Variants in SPATA31C1 observed in about 807,000 individuals in gnomAD.
SPATA31C1 encodes the protein SPATA31 subfamily C member 1, also known as spermatogenesis-associated protein 31C1.
chr9:87,913,956 AAAAAAAAT>A (rs1188961225), upstream of SPATA31C1, among the ~76,000 whole-genome samples: 32 of 84,604 alleles, frequency 3.8e-4, no homozygotes, highest in African/African-American at 1.2e-3. Context: ...TCAAAAAAAT[AAAAAAAAT>A]AAAAAAAAAG....
At position 87,921,351 on chromosome 9, in the gene SPATA31C1, T is replaced by A. The variant is rs543748743; in HGVS notation, n.1741T>A. On this transcript the variant is annotated non_coding_transcript_exon_variant, in exon 5 of 5. Coordinates refer to ENST00000420021, the Ensembl canonical transcript of SPATA31C1. The stretch of plus-strand genomic sequence containing the variant: ...GGATCTGATGCAGCTTCAGGATGAA[T>A]TGCCAGGGACAAGTCAGGCCAAGGG... 4 of 1,611,912 alleles carry A rather than the reference T, an allele frequency of 2.5e-6. No homozygotes were observed. The African/African-American group carries it at 5.3e-5, about 22-fold the overall frequency.
chr9:87,921,170 G>A (rs1236333198), exon 5 of SPATA31C1: 1 of 1,611,738 alleles, frequency 6.2e-7, no homozygotes, highest in East Asian at 2.2e-5. Flanking sequence ...TACCCTCTAG[G>A]GTCCAAAAAT....
At chr9:87,920,866 C>A in exon 5 of SPATA31C1, 1 of 1,613,536 alleles carries the variant, frequency 6.2e-7, no homozygotes, top group Non-Finnish European at 8.5e-7. Flanking sequence ...CAAAGGGACA[C>A]CACAATGTCC....
chr9:87,920,590 G>C, exon 5 of SPATA31C1: 2 of 1,613,584 alleles, frequency 1.2e-6, no homozygotes, highest in Non-Finnish European at 8.5e-7. Context: ...CCTCTGGCCT[G>C]CTCTCCACCT....
At chr9:87,916,746 C>T (rs1354817825) in intron 1 of SPATA31C1, among the ~76,000 whole-genome samples, 69 of 102,712 alleles carry the variant, frequency 6.7e-4, no homozygotes, top group Middle Eastern at 4.8e-3. Context: ...GCCTGTAATC[C>T]CAGCACTTTG....
At chr9:87,920,309 G>C (rs377054909) in exon 5 of SPATA31C1, 1 of 1,613,922 alleles carries the variant, frequency 6.2e-7, no homozygotes, top group South Asian at 1.1e-5. Context: ...GTCCAGACCC[G>C]CCAGGTGAGG....
At chr9:87,920,373 G>A (rs746818688) in exon 5 of SPATA31C1, 1 of 1,613,886 alleles carries the variant, frequency 6.2e-7, no homozygotes, top group Admixed American at 1.7e-5. Flanking sequence ...GCCTATGGAA[G>A]ATGCTGCTCC....
At chr9:87,922,572 G>A (rs753583578) in exon 5 of SPATA31C1, 2 of 1,609,806 alleles carry the variant, frequency 1.2e-6, no homozygotes, top group Non-Finnish European at 1.7e-6. Flanking sequence ...CCTTCCAGAT[G>A]GGCAAGCATC....
Position 87,920,052 on chromosome 9 carries a change from C to A in SPATA31C1, n.641+76C>A, listed in dbSNP as rs1828810374. The A allele has an allele frequency of 3.1e-6, 5 of 1,608,566 alleles. No individual in the cohort carries two copies. In the South Asian group the frequency reaches 4.4e-5, roughly 14 times the overall value. ...CCCCAGGGCCACAGGCAGCCTGGAG[C>A]TGACCTGGGATGGGGAGACCAGGGG... On this transcript the variant is annotated intron_variant and non_coding_transcript_variant, in intron 4 of 4. Coordinates refer to ENST00000420021, the Ensembl canonical transcript of SPATA31C1.
intron 1 of SPATA31C1, among the ~76,000 whole-genome samples, chr9:87,916,449 G>A (rs1241088133): frequency 1.2e-4 from 18 of 147,590 alleles, no homozygotes; most frequent in African/African-American, 4.4e-4. Flanking sequence ...AAAAAGACAG[G>A]GTAAAAACTG....
chr9:87,921,590 G>A, exon 5 of SPATA31C1: 2 of 1,612,032 alleles, frequency 1.2e-6, no homozygotes, highest in Non-Finnish European at 8.5e-7. Flanking sequence ...GGAAGCCCTT[G>A]AGGAGTGACT....
chr9:87,916,275 A>G (rs1587585719), intron 1 of SPATA31C1, among the ~76,000 whole-genome samples: 1 of 144,380 alleles, frequency 6.9e-6, no homozygotes, highest in African/African-American at 2.5e-5. Context: ...AAGATCACAT[A>G]TCTCAATGTA....
intron 1 of SPATA31C1, among the ~76,000 whole-genome samples, chr9:87,916,930 C>G (rs1352967233): frequency 2.2e-4 from 13 of 57,920 alleles, no homozygotes; most frequent in African/African-American, 1.0e-3. Context: ...CCAGGACGCA[C>G]AGGTTGCAGT....
rs753084868 is a variant in SPATA31C1 at position 87,919,158 on chromosome 9, G to C, written n.523-133G>C. The C allele has an allele frequency of 1.9e-6, 3 of 1,555,742 alleles. No homozygotes were observed. In the African/African-American group the frequency reaches 4.1e-5, roughly 21 times the overall value. ...AAAGCACACAGAGCTCCCTGAGCAAGACAGACAGAGCCATGCGGTTCATGA... is the reference window on the plus strand; with the variant it reads ...AAAGCACACAGAGCTCCCTGAGCAACACAGACAGAGCCATGCGGTTCATGA... On this transcript the variant is annotated intron_variant and non_coding_transcript_variant, in intron 2 of 4. Coordinates refer to ENST00000420021, the Ensembl canonical transcript of SPATA31C1.
At chr9:87,914,599 G>A in exon 1 of SPATA31C1, 1 of 888 alleles carries the variant, frequency 1.1e-3, no homozygotes, top group Non-Finnish European at 1.9e-3. Flanking sequence ...CATGGGTGTT[G>A]GATATCTTCC....
At chr9:87,916,668 A>G (rs1169334198) in intron 1 of SPATA31C1, among the ~76,000 whole-genome samples, 2 of 134,516 alleles carry the variant, frequency 1.5e-5, no homozygotes, top group African/African-American at 2.6e-5. Context: ...GAGGAATGCC[A>G]GTCCTTTTAA....
Position 87,919,107 on chromosome 9 carries a change from C to A in SPATA31C1, n.523-184C>A, listed in dbSNP as rs1200651387. 2.4e-6 allele frequency: 3 copies of A among 1,249,590 alleles called. No individual in the cohort carries two copies. In the South Asian group the frequency reaches 3.8e-5, roughly 16 times the overall value. The allele number at this position is 1,249,590 out of a possible 1,614,324, so 77.4% of individuals were successfully genotyped here. Reference sequence around the variant, plus strand: ...TTTTCTAAGAAAAGCAGTTTATCATCCATTTAAACATGAGTGGGAGGGGAG... The same window carrying A: ...TTTTCTAAGAAAAGCAGTTTATCATACATTTAAACATGAGTGGGAGGGGAG... On this transcript the variant is annotated intron_variant and non_coding_transcript_variant, in intron 2 of 4. Coordinates refer to ENST00000420021, the Ensembl canonical transcript of SPATA31C1.
At chr9:87,915,527 T>C (rs1398568521) in intron 1 of SPATA31C1, among the ~76,000 whole-genome samples, 1 of 145,448 alleles carries the variant, frequency 6.9e-6, no homozygotes, top group Non-Finnish European at 1.5e-5. Flanking sequence ...TCTCAAACTC[T>C]TGACTTTAGG....
At chr9:87,920,508 C>T in exon 5 of SPATA31C1, 1 of 1,613,954 alleles carries the variant, frequency 6.2e-7, no homozygotes, top group South Asian at 1.1e-5. Flanking sequence ...GCCACCAGAA[C>T]CTTCCCTTCT....
Sources: allele counts gnomAD v4.1 joint callset (sites outside exome capture counted in the v4.1 genomes callset), GRCh38; gene constraint gnomAD v4.1.1; transcripts MANE v1.5; gene names NCBI Gene and HGNC (gene_info 2026-07-23, HGNC 2026-07-21).